The following PPFIA3 variants were observed in gnomAD, a reference collection of about 807,000 sequenced individuals.
The protein encoded by PPFIA3 is PPFI scaffold protein A3, also known as liprin-alpha-3.
A neutral mutation model predicts 145.8 loss-of-function variants in PPFIA3; 26 were observed. That is an observed-to-expected ratio of 0.18 (90% CI 0.13 to 0.25). The LOEUF is 0.25. Among genes scored for constraint, PPFIA3 ranks in the 10% least tolerant of loss-of-function variants. PPFIA3 has a pLI of 1.00. For synonymous variants in PPFIA3, 645 were observed against 661.4 expected, an observed-to-expected ratio of 0.98 and a Z score of 0.38; for missense variants, 1,008 against 1,587.8, an observed-to-expected ratio of 0.63 and a Z score of 6.21.
At chr19:49,125,929 TTTTG>T (rs1392227682) in intron 1 of PPFIA3, among the ~76,000 whole-genome samples, 1 of 101,226 alleles carries the variant, frequency 9.9e-6, no homozygotes, top group Non-Finnish European at 2.2e-5. Context: ...CTGGTATTTT[TTTTG>T]TTTTTTTTTG....
Position 49,141,411 on chromosome 19 carries a change from T to C in PPFIA3, c.2369-9T>C. ...GATTTTCCAAATTTCGACCCCTCCC[T>C]GCCTCCAGCTGGAACACCCTCAGAT... is the stretch of plus-strand genomic sequence containing the variant. On this transcript the variant is annotated splice_polypyrimidine_tract_variant and intron_variant, in intron 18 of 29. Transcript: ENST00000334186. 1 of 1,612,604 alleles carries C rather than the reference T, an allele frequency of 6.2e-7. No individual in the cohort carries two copies. The highest frequency in any genetic ancestry group is 1.1e-5 in the South Asian group (1 of 90,960).
At chr19:49,147,682 C>CCGAA (rs2041295764) in intron 23 of PPFIA3, among the ~76,000 whole-genome samples, 1 of 80,852 alleles carries the variant, frequency 1.2e-5, no homozygotes, top group Admixed American at 1.2e-4. Flanking sequence ...CAGACTCTTT[C>CCGAA]AGAAAGAGAG....
At chr19:49,132,961 A>G (rs1213272882) in intron 7 of PPFIA3, 40 bp from the exon 8 acceptor site, 4 of 1,593,142 alleles carry the variant, frequency 2.5e-6, no homozygotes, top group Non-Finnish European at 2.6e-6. Flanking sequence ...CCTCTCCCCC[A>G]GGGGCTCGCA....
Position 49,149,670 on chromosome 19 carries a change from G to C in PPFIA3, c.3478G>C (p.Gly1160Arg). The change falls in exon 28 of 30, where the codon GGA (glycine) becomes CGA (arginine). Residue 1160 changes from glycine (G) to arginine (R), a missense_variant. Transcript: ENST00000334186. This position sits in a 1 kb window ranked among gnomAD's most constrained non-coding sequence, Gnocchi z 5.7. ...CCCCAACTTTCGTTCGGCTGCAGCG[G>C]GAGCCCTGGGCTCTCCGGGGCTCCC... ...LPPNFRSAAA[G>R]ALGSPGLPLR... 1 of 1,613,566 alleles carries C rather than the reference G, an allele frequency of 6.2e-7. No individual in the cohort carries two copies. The highest frequency in any genetic ancestry group is 8.5e-7 in the Non-Finnish European group (1 of 1,179,810).
Position 49,128,781 on chromosome 19 carries a change from C to T in PPFIA3, c.343-67C>T, listed in dbSNP as rs1290513797. On this transcript the variant is annotated intron_variant, in intron 3 of 29. Transcript: ENST00000334186. The surrounding 1 kb of genome is among the most constrained non-coding windows in gnomAD (Gnocchi z 4.1). The stretch of plus-strand genomic sequence containing the variant: ...CTCCATGTGTCCGCCCTACCTGTCA[C>T]CCTTTTTCTCACATCTGCCCCTTTT... 1 of 1,428,630 alleles carries T rather than the reference C, an allele frequency of 7.0e-7. No homozygotes were observed. Among genetic ancestry groups the T allele is most frequent in the South Asian group, 1.3e-5 (1 of 75,414 alleles). 88.5% of individuals were successfully genotyped at this position (1,428,630 alleles called of 1,614,324 possible). A position where few individuals can be genotyped will look rare whatever the true frequency, so the allele number is the denominator to read the frequency against.
Position 49,130,059 on chromosome 19 carries a change from G to C in PPFIA3, c.649G>C (p.Asp217His). ...SGLEEPGKDG[D>H]GQTLANGLGP... ...GCTGGAAGAGCCGGGCAAGGATGGGGATGGGCAGGTGAGACATGGAAGTCC... is the reference window on the plus strand; with the variant it reads ...GCTGGAAGAGCCGGGCAAGGATGGGCATGGGCAGGTGAGACATGGAAGTCC... Residue 217 changes from aspartate (D) to histidine (H), a missense_variant, in exon 6 of 30, where the codon GAT (aspartate) becomes CAT (histidine). Physicochemically the swap from Asp to His is moderately conservative, Grantham distance 81. This residue lies in a region of PPFIA3 where 136 missense variants were observed against 160.7 expected (regional missense o/e 0.85). Transcript: ENST00000334186. The surrounding 1 kb of genome is among the most constrained non-coding windows in gnomAD (Gnocchi z 4.5). The C allele has an allele frequency of 6.2e-7, 1 of 1,611,988 alleles. No individual in the cohort carries two copies. The highest frequency in any genetic ancestry group is 8.5e-7 in the Non-Finnish European group (1 of 1,179,320).
At chr19:49,124,421 C>A (rs1407348635) in intron 1 of PPFIA3, among the ~76,000 whole-genome samples, 1 of 151,970 alleles carries the variant, frequency 6.6e-6, no homozygotes, top group Non-Finnish European at 1.5e-5. Flanking sequence ...ATTTTATCTG[C>A]TGACTATGTT....
intron 24 of PPFIA3, 136 bp downstream of exon 24, chr19:49,148,394 C>T (rs866514314): frequency 5.3e-5 from 54 of 1,012,498 alleles, no homozygotes; most frequent in Middle Eastern, 6.2e-4. Context: ...GAAATCCTGA[C>T]TCTGTGCTCC....
At chr19:49,122,494 T>G (rs2040947782) in intron 1 of PPFIA3, among the ~76,000 whole-genome samples, 1 of 152,216 alleles carries the variant, frequency 6.6e-6, no homozygotes, top group Non-Finnish European at 1.5e-5. Context: ...TGCTAAATGT[T>G]CATTTCAAGT....
At chr19:49,127,400 A>AG (rs2041014109) in intron 1 of PPFIA3, among the ~76,000 whole-genome samples, 1 of 150,074 alleles carries the variant, frequency 6.7e-6, no homozygotes, top group African/African-American at 2.5e-5. Flanking sequence ...AAAAAAAAAA[A>AG]AAAAAAAGAA....
At chr19:49,135,239 G>GTAGACA (rs1236755066) in intron 13 of PPFIA3, among the ~76,000 whole-genome samples, 3 of 151,972 alleles carry the variant, frequency 2.0e-5, no homozygotes, top group Non-Finnish European at 4.4e-5. Context: ...ACGGGGTTTT[G>GTAGACA]CCATGTTGGC....
chr19:49,129,847 G>A, intron 5 of PPFIA3, 146 bp from the exon 6 acceptor site: 2 of 802,452 alleles, frequency 2.5e-6, no homozygotes, highest in Admixed American at 2.6e-5. Flanking sequence ...GAGCCTAAGG[G>A]TAAACCGTGG....
rs2041316316 is a variant in PPFIA3, at chr19:49,149,373, A to G, written c.3354+48A>G. ...GGGCTCTGCTCCCAGCGGCTCCTCG[A>G]GAGGCTGAGCTGAGGGGGCGGGGCC... On this transcript the variant is annotated intron_variant, in intron 27 of 29. Coordinates refer to ENST00000334186, the MANE Select transcript of PPFIA3 (RefSeq NM_003660.4). This position sits in a 1 kb window ranked among gnomAD's most constrained non-coding sequence, Gnocchi z 5.7. The G allele has an allele frequency of 2.5e-6, 4 of 1,608,322 alleles. No individual in the cohort carries two copies. Among genetic ancestry groups the G allele is most frequent in the Non-Finnish European group, 3.4e-6 (4 of 1,175,370 alleles).
chr19:49,145,627 T>C, intron 21 of PPFIA3: 1 of 399,754 alleles, frequency 2.5e-6, no homozygotes, highest in African/African-American at 2.0e-5. Context: ...CATGGCTGTG[T>C]CTGTCCCCCA....
intron 12 of PPFIA3, 25 bp from the exon 13 acceptor site, chr19:49,134,811 C>T (rs1205991106): frequency 1.9e-6 from 3 of 1,603,192 alleles, no homozygotes; most frequent in Non-Finnish European, 2.6e-6. Flanking sequence ...GATTCTAACC[C>T]GACACCTCCA....
chr19:49,131,451 G>T (rs1477616129), intron 7 of PPFIA3, among the ~76,000 whole-genome samples: 1 of 151,096 alleles, frequency 6.6e-6, no homozygotes, highest in East Asian at 2.0e-4. Flanking sequence ...CAAAGTGCTG[G>T]GATTACAGGT....
intron 21 of PPFIA3, 62 bp from the exon 22 acceptor site, chr19:49,145,881 C>T (rs2041273651): frequency 1.3e-6 from 2 of 1,489,182 alleles, no homozygotes; most frequent in Non-Finnish European, 1.9e-6. Context: ...GGAGGACACC[C>T]TCCTTCCTCT....
chr19:49,124,781 TG>T, intron 1 of PPFIA3, among the ~76,000 whole-genome samples: 1 of 152,054 alleles, frequency 6.6e-6, no homozygotes. Flanking sequence ...GATATCATGT[TG>T]GGGCTGGGCG....
rs1217192667 is a variant in PPFIA3 at position 49,150,584 on chromosome 19, G to A, written c.*362G>A. 6.4e-6 allele frequency: 1 copy of A among 156,438 alleles called. No homozygotes were observed. The highest frequency in any genetic ancestry group is 1.4e-5 in the Non-Finnish European group (1 of 70,616). 9.7% of individuals were successfully genotyped at this position (156,438 alleles called of 1,614,324 possible). ...CCCTCCCGGGCCGCATGCGGGGAGAGGCTGCTCCCTCCCCTTTTTCCTGCC... is the reference window on the plus strand; with the variant it reads ...CCCTCCCGGGCCGCATGCGGGGAGAAGCTGCTCCCTCCCCTTTTTCCTGCC... On this transcript the variant is annotated 3_prime_UTR_variant, in exon 30 of 30. Transcript: ENST00000334186.
Sources: allele counts gnomAD v4.1 joint callset (sites outside exome capture counted in the v4.1 genomes callset), GRCh38; gene constraint gnomAD v4.1.1; regional missense constraint gnomAD v4.1.1; non-coding constraint Gnocchi (gnomAD v3.1); transcripts MANE v1.5; gene names NCBI Gene and HGNC (gene_info 2026-07-23, HGNC 2026-07-21).